Variants in NACC1 observed in about 807,000 individuals in gnomAD.
NACC1 encodes the protein nucleus accumbens associated 1.
Under a neutral mutation model 41.7 loss-of-function variants are expected in NACC1, and 6 were observed. The ratio of observed to expected loss-of-function variants is 0.14; its 90% CI spans 0.08 to 0.28. The LOEUF (loss-of-function observed/expected upper bound fraction) is 0.28, where lower values mean the gene tolerates loss of function less well. Ranked by LOEUF, NACC1 falls within the 10% of genes least tolerant of loss-of-function variation. The probability of loss-of-function intolerance (pLI) is 1.00; values close to 1 mark genes in which losing one functional copy is unlikely to be tolerated. For missense variants in NACC1, 434 were observed against 763.7 expected (o/e 0.57, Z 5.09); for synonymous variants, 338 against 330.6 (o/e 1.02, Z -0.24).
rs2019735978 is a variant in NACC1 at position 13,138,365 on chromosome 19, C to T, written c.1543C>T (p.His515Tyr). 1.2e-5 allele frequency: 19 copies of T among 1,613,394 alleles called. 1 individual carries two copies. Among genetic ancestry groups the T allele is most frequent in the Non-Finnish European group, 1.4e-5 (17 of 1,180,020 alleles). Residue 515 changes from histidine (H) to tyrosine (Y), a missense_variant, in exon 6 of 6, where the codon CAC (histidine) becomes TAC (tyrosine). Coordinates refer to ENST00000292431, the MANE Select transcript of NACC1 (RefSeq NM_052876.4). This position sits in a 1 kb window ranked among gnomAD's most constrained non-coding sequence, Gnocchi z 5.7. ...GGAGCATGGCTTCGAGACCGCCAGC[C>T]ACGAGGGCGAGGCGGGTCCCTCGGC... The part of the protein sequence containing the change: ...GVEHGFETAS[H>Y]EGEAGPSAEA...
intron 1 of NACC1, among the ~76,000 whole-genome samples, chr19:13,127,418 C>T (rs1252456094): frequency 9.3e-6 from 1 of 107,892 alleles, no homozygotes; most frequent in Non-Finnish European, 1.7e-5. Flanking sequence ...CTGGATGGGC[C>T]GGGTGCCGTG....
At chr19:13,131,411 A>G (rs985604090) in intron 1 of NACC1, among the ~76,000 whole-genome samples, 19 of 152,184 alleles carry the variant, frequency 1.2e-4, no homozygotes, top group Admixed American at 1.2e-3. Flanking sequence ...TGTGGGCCCC[A>G]GTACCAGGGG....
At position 13,138,766 on chromosome 19, in the gene NACC1, G is replaced by C; in HGVS notation, c.*360G>C. The stretch of plus-strand genomic sequence containing the variant: ...CCCTCCCCAGGCCCTAGGCCACCTC[G>C]CGGAAGCCTTCAGCCTCCGCCCCTC... On this transcript the variant is annotated 3_prime_UTR_variant, in exon 6 of 6. Transcript: ENST00000292431. This position sits in a 1 kb window ranked among gnomAD's most constrained non-coding sequence, Gnocchi z 5.7. The C allele has an allele frequency of 3.6e-6, 1 of 279,654 alleles. No homozygotes were observed. Among genetic ancestry groups the C allele is most frequent in the East Asian group, 8.0e-5 (1 of 12,462 alleles). 17.3% of individuals were successfully genotyped at this position (279,654 alleles called of 1,614,324 possible). A position where few individuals can be genotyped will look rare whatever the true frequency, so the allele number is the denominator to read the frequency against.
At chr19:13,120,111 C>T (rs982389435) in intron 1 of NACC1, among the ~76,000 whole-genome samples, 2 of 152,132 alleles carry the variant, frequency 1.3e-5, no homozygotes, top group Admixed American at 6.5e-5. Flanking sequence ...GGGTCAATCC[C>T]CTTTGGGACA....
chr19:13,126,169 G>A (rs951568695), intron 1 of NACC1, among the ~76,000 whole-genome samples: 1 of 150,194 alleles, frequency 6.7e-6, no homozygotes, highest in Admixed American at 6.6e-5. Flanking sequence ...TCAGCCTCCC[G>A]AGTAGCTGGG....
chr19:13,132,636 T>C (rs925155990), intron 1 of NACC1, among the ~76,000 whole-genome samples: 4 of 152,110 alleles, frequency 2.6e-5, no homozygotes, highest in Admixed American at 1.3e-4. Context: ...TGTGAGTTGG[T>C]TCCTCCATTC....
rs181391654 is a variant in NACC1, at chr19:13,130,540, T to C, written c.-8-4660T>C. Among the ~76,000 whole-genome samples, 701 of 148,548 alleles carry C rather than the reference T, an allele frequency of 4.7e-3. 4 individuals carry two copies. The highest frequency in any genetic ancestry group is 0.027 in the East Asian group (135 of 5,058). On this transcript the variant is annotated intron_variant, in intron 1 of 5. Coordinates refer to ENST00000292431, the MANE Select transcript of NACC1 (RefSeq NM_052876.4). ...ATACACCTCTTTTTTCTTTTCTTTT[T>C]TTTTTTTTTTTTTGAGATGGAGTAT...
chr19:13,118,235 G>A (rs1456618592), upstream of NACC1: 1 of 150,336 alleles, frequency 6.7e-6, no homozygotes, highest in Non-Finnish European at 1.5e-5. Flanking sequence ...GCCTGGCTGC[G>A]GCGGCAGCGC....
intron 1 of NACC1, among the ~76,000 whole-genome samples, chr19:13,126,378 G>A (rs1292342432): frequency 6.6e-6 from 1 of 152,104 alleles, no homozygotes; most frequent in Non-Finnish European, 1.5e-5. Flanking sequence ...CCACTACATT[G>A]GAGATAGGCT....
chr19:13,128,616 A>T (rs533802809), intron 1 of NACC1, among the ~76,000 whole-genome samples: 95 of 152,136 alleles, frequency 6.2e-4, no homozygotes, highest in Non-Finnish European at 1.2e-3. Context: ...TGCCCTTCCT[A>T]GATCTCAGCT....
intron 1 of NACC1, among the ~76,000 whole-genome samples, chr19:13,127,371 CTTTTTTTTTTTT>C (rs147514422): frequency 1.8e-4 from 5 of 28,516 alleles, no homozygotes; most frequent in African/African-American, 2.6e-4. Flanking sequence ...TATACATATA[CTTTTTTTTTTTT>C]TTTTTTTTTT....
chr19:13,126,443 G>A (rs925270968), intron 1 of NACC1, among the ~76,000 whole-genome samples: 2 of 152,100 alleles, frequency 1.3e-5, no homozygotes, highest in African/African-American at 2.4e-5. Context: ...ATCTGTCGAC[G>A]GCCATGTCAC....
chr19:13,135,110 T>G (rs1481307304), intron 1 of NACC1, 90 bp from the exon 2 acceptor site: 1 of 1,444,214 alleles, frequency 6.9e-7, no homozygotes. Flanking sequence ...GGGGAGGTCT[T>G]TGGGGCCAGG....
rs1382282148 is a variant in NACC1 at position 13,138,901 on chromosome 19, TCCCTG to T, written c.*497_*501del. On this transcript the variant is annotated 3_prime_UTR_variant, in exon 6 of 6. Coordinates refer to ENST00000292431, the MANE Select transcript of NACC1 (RefSeq NM_052876.4). This position sits in a 1 kb window ranked among gnomAD's most constrained non-coding sequence, Gnocchi z 5.7. ...AGCGCCTTCCTGTCACCCTCGTCTATCCCTGCGCCTGGGGGCTGGGGTAGGCGAGG... is the reference window on the plus strand; with the variant it reads ...AGCGCCTTCCTGTCACCCTCGTCTATCGCCTGGGGGCTGGGGTAGGCGAGG... 6.3e-6 allele frequency: 1 copy of T among 159,288 alleles called. No homozygotes were observed. The highest frequency in any genetic ancestry group is 1.4e-5 in the Non-Finnish European group (1 of 71,838). The allele number at this position is 159,288 out of a possible 1,614,324, so 9.9% of individuals were successfully genotyped here.
chr19:13,122,111 G>A (rs990104812), intron 1 of NACC1, among the ~76,000 whole-genome samples: 2 of 152,202 alleles, frequency 1.3e-5, no homozygotes, highest in South Asian at 2.1e-4. Flanking sequence ...AGGACCAGCC[G>A]AGCCGGCAGA....
At position 13,137,566 on chromosome 19, in the gene NACC1, G is replaced by A. The variant is rs2019724772; in HGVS notation, c.1315G>A (p.Ala439Thr). The A allele has an allele frequency of 2.6e-6, 4 of 1,553,574 alleles. No individual in the cohort carries two copies. The highest frequency in any genetic ancestry group is 1.2e-5 in the South Asian group (1 of 84,466). ...RKPLDSRVLHAVKYYCQNFAP... is the reference protein window; with the variant it reads ...RKPLDSRVLHTVKYYCQNFAP... ...GCCCCTGGACAGCCGCGTGCTCCAC[G>A]CTGTCAAGTGTGAGTGTTGGCCCAG... is the stretch of plus-strand genomic sequence containing the variant. Residue 439 changes from alanine to threonine, a missense_variant, in exon 5 of 6, where the codon GCT (alanine) becomes ACT (threonine). Ala to Thr is a moderately conservative substitution (Grantham distance 58, BLOSUM62 0). Around this residue, in one of 4 missense-constraint regions of NACC1, gnomAD observed 70 missense variants for 206.9 expected, o/e 0.34. Coordinates refer to ENST00000292431, the MANE Select transcript of NACC1 (RefSeq NM_052876.4). This position sits in a 1 kb window ranked among gnomAD's most constrained non-coding sequence, Gnocchi z 6.1.
chr19:13,117,246 G>T, upstream of NACC1: 1 of 152,268 alleles, frequency 6.6e-6, no homozygotes, highest in East Asian at 1.9e-4. Flanking sequence ...GCAGGACAGC[G>T]AAGTGGTCCC....
chr19:13,134,830 A>G (rs2019678501), intron 1 of NACC1, among the ~76,000 whole-genome samples: 2 of 152,150 alleles, frequency 1.3e-5, no homozygotes, highest in African/African-American at 4.8e-5. Flanking sequence ...TGGTGCTTGC[A>G]ATAGCTGGCA....
intron 1 of NACC1, among the ~76,000 whole-genome samples, chr19:13,128,210 G>A (rs923593963): frequency 6.6e-6 from 1 of 152,176 alleles, no homozygotes; most frequent in African/African-American, 2.4e-5. Context: ...CAGTGGGGGA[G>A]GCATCAGTGA....
Sources: gnomAD v4.1 joint callset for allele counts (sites outside exome capture counted in the v4.1 genomes callset) on GRCh38, gnomAD v4.1.1 for gene constraint, gnomAD v4.1.1 regional missense constraint, Gnocchi (gnomAD v3.1) non-coding constraint, MANE v1.5 for transcripts, NCBI Gene and HGNC (gene_info 2026-07-23, HGNC 2026-07-21) for gene names.